The following STK32C variants were observed in gnomAD, a reference collection of about 807,000 sequenced individuals.
The protein encoded by STK32C is serine/threonine kinase 32C, also known as serine/threonine-protein kinase 32C.
In STK32C, 31 loss-of-function variants were observed where a neutral mutation model predicts 56.5. That is an observed-to-expected ratio of 0.55 (90% confidence interval 0.41 to 0.74). STK32C has a LOEUF of 0.74. Among genes scored for constraint, STK32C ranks in the 30% least tolerant of loss-of-function variants. STK32C has a pLI of 0.00. For synonymous variants in STK32C, 309 were observed against 289.4 expected (o/e 1.07, Z -0.69); for missense variants, 544 against 676.9 (o/e 0.80, Z 2.18).
At chr10:132,331,030 G>T (rs916756106) in intron 1 of STK32C, among the ~76,000 whole-genome samples, 13 of 150,610 alleles carry the variant, frequency 8.6e-5, no homozygotes, top group Non-Finnish European at 1.5e-4. Flanking sequence ...ATGAAACCCC[G>T]TCTCTACTAA....
chr10:132,260,290 T>C (rs2064259192), intron 1 of STK32C, among the ~76,000 whole-genome samples: 1 of 151,596 alleles, frequency 6.6e-6, no homozygotes, highest in African/African-American at 2.4e-5. Context: ...ACCCCCAGAG[T>C]CCGGCCCGGG....
At chr10:132,261,836 G>A (rs553245067) in intron 1 of STK32C, among the ~76,000 whole-genome samples, 7 of 152,212 alleles carry the variant, frequency 4.6e-5, no homozygotes, top group African/African-American at 1.7e-4. Flanking sequence ...TAACAGATTG[G>A]CAGAATCAAT....
In STK32C at chr10:132,230,877, G is replaced by A. The variant is rs537051823; in HGVS notation, c.319-2749C>T. ...CTCACGATGCAGCTCAGCTCTTACGGGGGAATCTCTGGAAGAACACGCCTT... is the reference window on the plus strand; with the variant it reads ...CTCACGATGCAGCTCAGCTCTTACGAGGGAATCTCTGGAAGAACACGCCTT... On this transcript the variant is annotated intron_variant, in intron 2 of 11. Coordinates refer to ENST00000298630, the MANE Select transcript of STK32C (RefSeq NM_173575.4). Among the ~76,000 whole-genome samples, 16 of 152,324 alleles carry A rather than the reference G, an allele frequency of 1.1e-4. No homozygotes were observed. The South Asian group carries it at 3.1e-3, about 30-fold the overall frequency.
In STK32C at chr10:132,225,280, C is replaced by A; in HGVS notation, c.829G>T (p.Asp277Tyr). The A allele has an allele frequency of 6.2e-7, 1 of 1,610,768 alleles. No individual in the cohort carries two copies. Among genetic ancestry groups the A allele is most frequent in the Non-Finnish European group, 8.5e-7 (1 of 1,178,842 alleles). Residue 277 changes from aspartate (D) to tyrosine (Y), a missense_variant, in exon 7 of 12, where the codon GAC (aspartate) becomes TAC (tyrosine). By Grantham distance (160) the Asp-to-Tyr change is radical (BLOSUM62 -3). Around this residue, in one of 3 missense-constraint regions of STK32C, gnomAD observed 277 missense variants for 309.3 expected, o/e 0.90. Transcript: ENST00000298630. Reference protein sequence around the residue: ...NGGTGYSFEVDWWSVGVMAYE... With the variant: ...NGGTGYSFEVYWWSVGVMAYE... ...GCCATCACCCCCACCGACCACCAGTCCACCTCGAAGGAGTAGCCGGTCCCG... is the reference window on the plus strand; with the variant it reads ...GCCATCACCCCCACCGACCACCAGTACACCTCGAAGGAGTAGCCGGTCCCG...
intron 1 of STK32C, among the ~76,000 whole-genome samples, chr10:132,290,603 CT>C (rs1377235941): frequency 6.6e-6 from 1 of 152,208 alleles, no homozygotes; most frequent in African/African-American, 2.4e-5. Context: ...CAAGAGACCC[CT>C]AAGAAGCTAA....
intron 1 of STK32C, among the ~76,000 whole-genome samples, chr10:132,301,766 A>T (rs2065917562): frequency 1.3e-5 from 2 of 152,220 alleles, no homozygotes; most frequent in Non-Finnish European, 2.9e-5. Flanking sequence ...AGAGGAACAG[A>T]AGGAGGAAAA....
rs79420402 is a variant in STK32C at position 132,283,588 on chromosome 10, G to A, written c.262+23984C>T. On this transcript the variant is annotated intron_variant, in intron 1 of 11. Coordinates refer to ENST00000298630, the MANE Select transcript of STK32C (RefSeq NM_173575.4). ...GGCACAGAAGGCCAGTGAAGGGGGT[G>A]GTTTGTGACCTGCAAGTTGCAGCAG... 4.7e-3 allele frequency among the ~76,000 whole-genome samples: 715 copies of A among 152,280 alleles called. 5 individuals carry two copies. Among genetic ancestry groups the A allele is most frequent in the African/African-American group, 0.017 (687 of 41,546 alleles).
At chr10:132,246,293 C>A (rs1407530431) in intron 1 of STK32C, among the ~76,000 whole-genome samples, 1 of 152,266 alleles carries the variant, frequency 6.6e-6, no homozygotes, top group African/African-American at 2.4e-5. Context: ...ACCAGCCACC[C>A]CCACTGAAAG....
chr10:132,327,278 G>A (rs1004748580), intron 1 of STK32C, among the ~76,000 whole-genome samples: 4 of 152,270 alleles, frequency 2.6e-5, no homozygotes, highest in East Asian at 3.9e-4. Context: ...TGCCCTCCAC[G>A]TAAGATGTGA....
chr10:132,305,153 G>A (rs1052888846), intron 1 of STK32C, among the ~76,000 whole-genome samples: 2 of 152,214 alleles, frequency 1.3e-5, no homozygotes, highest in African/African-American at 4.8e-5. Context: ...AGTCAGAGAA[G>A]GGATAGAATG....
chr10:132,230,773 T>C (rs2063073813), intron 2 of STK32C, among the ~76,000 whole-genome samples: 1 of 151,292 alleles, frequency 6.6e-6, no homozygotes, highest in African/African-American at 2.4e-5. Context: ...GCCTCAGGCT[T>C]TCTGTCGCTT....
At chr10:132,226,730 T>A in intron 4 of STK32C, 65 bp downstream of exon 4, 1 of 1,574,206 alleles carries the variant, frequency 6.4e-7, no homozygotes, top group Non-Finnish European at 8.6e-7. Flanking sequence ...GCCGGCAGCC[T>A]GACCTAAGGC....
intron 1 of STK32C, among the ~76,000 whole-genome samples, chr10:132,298,936 G>A (rs900951776): frequency 3.9e-5 from 6 of 152,186 alleles, no homozygotes; most frequent in African/African-American, 1.2e-4. Flanking sequence ...ACTCAGAAAC[G>A]ATAAGATGGA....
Position 132,225,742 on chromosome 10 carries a change from C to G in STK32C, c.682+5G>C. ...CCTGGGCTGCCCACACCCAACCCCA[C>G]ACACCTCTCTCATCCAGGAGAATGT... On this transcript the variant is annotated splice_donor_5th_base_variant and intron_variant, in intron 5 of 11. Coordinates refer to ENST00000298630, the MANE Select transcript of STK32C (RefSeq NM_173575.4). 1 of 1,614,162 alleles carries G rather than the reference C, an allele frequency of 6.2e-7. No homozygotes were observed. Among genetic ancestry groups the G allele is most frequent in the Non-Finnish European group, 8.5e-7 (1 of 1,180,026 alleles).
intron 1 of STK32C, among the ~76,000 whole-genome samples, chr10:132,265,017 T>C (rs1008313183): frequency 6.6e-6 from 1 of 152,098 alleles, no homozygotes; most frequent in Non-Finnish European, 1.5e-5. Flanking sequence ...CTTCCTGACC[T>C]GCTGCAACAT....
intron 1 of STK32C, among the ~76,000 whole-genome samples, chr10:132,259,257 C>T (rs1308948829): frequency 3.9e-5 from 6 of 152,238 alleles, no homozygotes; most frequent in Admixed American, 3.9e-4. Context: ...AACTTCCTGA[C>T]ATGGTTTGGC....
At chr10:132,293,812 G>T (rs547529463) in intron 1 of STK32C, among the ~76,000 whole-genome samples, 1 of 152,310 alleles carries the variant, frequency 6.6e-6, no homozygotes, top group East Asian at 1.9e-4. Context: ...TGGGGGTGGG[G>T]ACAGCCCCGA....
intron 1 of STK32C, among the ~76,000 whole-genome samples, chr10:132,276,893 G>T (rs1222534719): frequency 6.6e-6 from 1 of 152,188 alleles, no homozygotes; most frequent in Non-Finnish European, 1.5e-5. Flanking sequence ...GCTCCCCAGG[G>T]CTCGAGGCCG....
intron 1 of STK32C, among the ~76,000 whole-genome samples, chr10:132,329,376 T>C (rs1042429975): frequency 2.0e-5 from 3 of 152,210 alleles, no homozygotes; most frequent in Admixed American, 2.0e-4. Flanking sequence ...ATCACACCGC[T>C]GAACTCCAGC....
Sources: gnomAD v4.1 joint callset for allele counts (sites outside exome capture counted in the v4.1 genomes callset) on GRCh38, gnomAD v4.1.1 for gene constraint, gnomAD v4.1.1 regional missense constraint, MANE v1.5 for transcripts, NCBI Gene and HGNC (gene_info 2026-07-23, HGNC 2026-07-21) for gene names.